The following MECOM variants were observed in gnomAD, a reference collection of about 807,000 sequenced individuals.
The protein encoded by MECOM is histone-lysine N-methyltransferase MECOM.
MECOM carries 13 observed loss-of-function variants against 116.3 expected under a neutral mutation model. The observed-to-expected ratio is 0.11, with a 90% CI of 0.07 to 0.18. The LOEUF is 0.18. Among genes scored for constraint, MECOM ranks in the 10% least tolerant of loss-of-function variants. The pLI, the probability that MECOM is intolerant of heterozygous loss-of-function variation, is 1.00. For missense variants in MECOM, 1,299 were observed against 1,509.0 expected (o/e 0.86, Z 2.31); for synonymous variants, 528 against 535.2 (o/e 0.99, Z 0.19).
intron 1 of MECOM, among the ~76,000 whole-genome samples, chr3:169,656,590 A>G (rs1775573024): frequency 6.6e-6 from 1 of 152,198 alleles, no homozygotes; most frequent in Non-Finnish European, 1.5e-5. Flanking sequence ...CCCCCATTTT[A>G]ATCATGGCTA....
At chr3:169,263,509 G>A (rs190157143) in intron 2 of MECOM, among the ~76,000 whole-genome samples, 2 of 143,870 alleles carry the variant, frequency 1.4e-5, no homozygotes, top group East Asian at 2.0e-4. Context: ...TTGATCATAC[G>A]CAGAGCACTT....
chr3:169,363,696 G>A (rs907744877), intron 2 of MECOM, among the ~76,000 whole-genome samples: 5 of 151,778 alleles, frequency 3.3e-5, no homozygotes, highest in African/African-American at 1.2e-4. Flanking sequence ...AGTCAGCCTG[G>A]CCGAAAAACT....
rs1560406281 is a variant in MECOM, at chr3:169,537,371, T to C, written c.37+125965A>G. On this transcript the variant is annotated intron_variant, in intron 1 of 16. Coordinates refer to ENST00000651503, the MANE Select transcript of MECOM (RefSeq NM_004991.4). ...ATTTTACCATGTATTGGGTGGCTAT[T>C]TCAGAATGGGTCAAAAGCAAACAAC... is the stretch of plus-strand genomic sequence containing the variant. Among the ~76,000 whole-genome samples, 3 of 152,276 alleles carry C rather than the reference T, an allele frequency of 2.0e-5. No homozygotes were observed. The South Asian group carries it at 6.2e-4, about 32-fold the overall frequency.
chr3:169,237,212 C>G (rs1754171310), intron 2 of MECOM, among the ~76,000 whole-genome samples: 1 of 152,124 alleles, frequency 6.6e-6, no homozygotes, highest in Non-Finnish European at 1.5e-5. Context: ...TCAAAAGACT[C>G]AGCATTAGCT....
intron 2 of MECOM, among the ~76,000 whole-genome samples, chr3:169,247,687 A>T (rs956113591): frequency 6.6e-6 from 1 of 152,246 alleles, no homozygotes; most frequent in Non-Finnish European, 1.5e-5. Flanking sequence ...CAATTTCTAA[A>T]ATTTATAGCA....
intron 1 of MECOM, among the ~76,000 whole-genome samples, chr3:169,630,144 AC>A (rs1241665846): frequency 1.3e-5 from 2 of 151,854 alleles, no homozygotes; most frequent in African/African-American, 4.8e-5. Context: ...CCCTGTCATG[AC>A]CCCCTGCTGC....
chr3:169,154,439 GT>G (rs1197660749), intron 2 of MECOM, among the ~76,000 whole-genome samples: 3 of 151,954 alleles, frequency 2.0e-5, no homozygotes, highest in Admixed American at 1.3e-4. Flanking sequence ...AATGGATCAG[GT>G]CCTTCCTTGA....
chr3:169,573,479 G>A (rs1449176092), intron 1 of MECOM, among the ~76,000 whole-genome samples: 2 of 152,148 alleles, frequency 1.3e-5, no homozygotes, highest in Non-Finnish European at 2.9e-5. Context: ...GACGGCAGCC[G>A]AAGCAGCATA....
chr3:169,516,423 A>G (rs1756633887), intron 1 of MECOM, among the ~76,000 whole-genome samples: 1 of 152,198 alleles, frequency 6.6e-6, no homozygotes, highest in Admixed American at 6.5e-5. Flanking sequence ...TGCTTATACT[A>G]TGAATAGCGT....
Position 169,147,307 on chromosome 3 carries a change from C to T in MECOM, c.376-3475G>A, listed in dbSNP as rs1740205597. On this transcript the variant is annotated intron_variant, in intron 2 of 16. Transcript: ENST00000651503. ...CCTTTCAGATCCTCCGCAGCGCCTT[C>T]GCGGGTCCTGGACCCTCACGGGATC... The T allele has an allele frequency of 1.2e-5, 12 of 985,574 alleles. No homozygotes were observed. In the South Asian group the frequency reaches 5.6e-4, roughly 46 times the overall value. The allele number at this position is 985,574 out of a possible 1,614,324, so 61.1% of individuals were successfully genotyped here.
intron 1 of MECOM, among the ~76,000 whole-genome samples, chr3:169,564,996 T>G (rs1763060503): frequency 6.6e-6 from 1 of 152,210 alleles, no homozygotes; most frequent in Non-Finnish European, 1.5e-5. Flanking sequence ...CACCATGTAT[T>G]GAGCATCTTT....
At position 169,481,623 on chromosome 3, in the gene MECOM, G is replaced by A. The variant is rs143414474; in HGVS notation, c.38-100099C>T. Among the ~76,000 whole-genome samples the A allele has an allele frequency of 2.5e-3, 380 of 151,280 alleles. 1 individual carries two copies. Among genetic ancestry groups the A allele is most frequent in the African/African-American group, 8.9e-3 (368 of 41,158 alleles). ...TTTCACAGTGTCTAGAATATAATTT[G>A]TCTATTCCACAAATAAATATATATT... On this transcript the variant is annotated intron_variant, in intron 1 of 16. Transcript: ENST00000651503.
chr3:169,209,570 A>C (rs1750432380), intron 2 of MECOM, among the ~76,000 whole-genome samples: 1 of 152,222 alleles, frequency 6.6e-6, no homozygotes, highest in South Asian at 2.1e-4. Context: ...ACTCAAAATA[A>C]GACATTTATG....
intron 1 of MECOM, among the ~76,000 whole-genome samples, chr3:169,489,789 G>C (rs1342102772): frequency 3.9e-5 from 6 of 152,100 alleles, no homozygotes; most frequent in African/African-American, 1.4e-4. Context: ...ATTTTTAAAA[G>C]AGAAAATAGC....
intron 2 of MECOM, among the ~76,000 whole-genome samples, chr3:169,343,259 G>T (rs757474032): frequency 6.6e-6 from 1 of 152,126 alleles, no homozygotes; most frequent in Non-Finnish European, 1.5e-5. Context: ...ACACTAACTC[G>T]TTGGGACTTC....
intron 2 of MECOM, among the ~76,000 whole-genome samples, chr3:169,183,817 CACATAT>C (rs1264615914): frequency 2.6e-5 from 1 of 38,586 alleles, no homozygotes; most frequent in African/African-American, 1.7e-4. Context: ...CACACACACA[CACATAT>C]ATATATATAT....
chr3:169,532,514 G>A (rs780136437), intron 1 of MECOM, among the ~76,000 whole-genome samples: 17 of 152,248 alleles, frequency 1.1e-4, no homozygotes, highest in East Asian at 5.8e-4. Flanking sequence ...CATGCTAGAT[G>A]AGCACTTTGT....
intron 1 of MECOM, among the ~76,000 whole-genome samples, chr3:169,394,656 A>G (rs947732276): frequency 6.6e-6 from 1 of 152,212 alleles, no homozygotes; most frequent in Non-Finnish European, 1.5e-5. Context: ...ATGAGAAAAC[A>G]GAGGGTGGTC....
At chr3:169,647,052 C>T (rs1040167263) in intron 1 of MECOM, among the ~76,000 whole-genome samples, 4 of 152,120 alleles carry the variant, frequency 2.6e-5, no homozygotes, top group Admixed American at 2.0e-4. Flanking sequence ...GTTAAAGTGT[C>T]TTTTTTCCAA....
Sources: gnomAD v4.1 joint callset for allele counts (sites outside exome capture counted in the v4.1 genomes callset) on GRCh38, gnomAD v4.1.1 for gene constraint, MANE v1.5 for transcripts, NCBI Gene and HGNC (gene_info 2026-07-23, HGNC 2026-07-21) for gene names.